The following UGP2 variants were observed in gnomAD, a reference collection of about 807,000 sequenced individuals.
The protein encoded by UGP2 is UDP-glucose pyrophosphorylase 2.
UGP2 carries 40 observed loss-of-function variants against 49.0 expected under a neutral mutation model. The observed-to-expected ratio is 0.82, with a 90% CI of 0.63 to 1.06. The LOEUF (loss-of-function observed/expected upper bound fraction) is 1.06, where lower values mean the gene tolerates loss of function less well. UGP2 is among the 50% of genes least tolerant of loss of function. The pLI is 0.00. For missense variants in UGP2, 460 were observed against 603.5 expected (o/e 0.76, Z 2.49); for synonymous variants, 225 against 213.0 (o/e 1.06, Z -0.49).
At chr2:63,861,887 TTTC>T (rs1669876786) in intron 3 of UGP2, among the ~76,000 whole-genome samples, 1 of 152,070 alleles carries the variant, frequency 6.6e-6, no homozygotes, top group Non-Finnish European at 1.5e-5. Context: ...GCTGAGACTT[TTTC>T]TTAGTCTATC....
At position 63,845,033 on chromosome 2, in the gene UGP2, C is replaced by T. The variant is rs1046627559; in HGVS notation, c.19+2829C>T. 4.6e-5 allele frequency among the ~76,000 whole-genome samples: 7 copies of T among 152,240 alleles called. No individual in the cohort carries two copies. The East Asian group carries it at 7.7e-4, about 17-fold the overall frequency. On this transcript the variant is annotated intron_variant, in intron 1 of 9. Transcript: ENST00000337130. Reference sequence around the variant, plus strand: ...AGAAATACAGTGTTTTGTAAGTGGACGATACTCTAAATGAATTTGTCATGG... The same window carrying T: ...AGAAATACAGTGTTTTGTAAGTGGATGATACTCTAAATGAATTTGTCATGG...
At chr2:63,889,963 G>C in intron 8 of UGP2, 118 bp from the exon 9 acceptor site, 2 of 715,184 alleles carry the variant, frequency 2.8e-6, no homozygotes, top group Non-Finnish European at 4.8e-6. Context: ...TCCCACAGAG[G>C]ACCTGAGCTT....
chr2:63,874,239 T>G (rs1157698631), intron 3 of UGP2, among the ~76,000 whole-genome samples: 2 of 152,210 alleles, frequency 1.3e-5, no homozygotes, highest in Admixed American at 1.3e-4. Flanking sequence ...AGTGCTTTAT[T>G]TTATGAATGA....
At chr2:63,871,749 C>T (rs1009594220) in intron 3 of UGP2, among the ~76,000 whole-genome samples, 3 of 152,198 alleles carry the variant, frequency 2.0e-5, no homozygotes, top group Admixed American at 1.3e-4. Context: ...AGTGGAAGCA[C>T]GAAGCCAACA....
chr2:63,862,921 G>A (rs1158514447), intron 3 of UGP2: 5 of 452,156 alleles, frequency 1.1e-5, no homozygotes, highest in East Asian at 7.0e-5. Flanking sequence ...AGATTGTGAC[G>A]TAAGCAGGTT....
At chr2:63,881,217 G>A (rs1241645935) in intron 3 of UGP2, among the ~76,000 whole-genome samples, 1 of 152,062 alleles carries the variant, frequency 6.6e-6, no homozygotes, top group Non-Finnish European at 1.5e-5. Flanking sequence ...CAAGAATTTT[G>A]TTATCAGGAG....
chr2:63,853,679 G>C (rs1047847746), intron 1 of UGP2, among the ~76,000 whole-genome samples: 1 of 152,136 alleles, frequency 6.6e-6, no homozygotes, highest in Non-Finnish European at 1.5e-5. Flanking sequence ...TGTCAGGGAA[G>C]GGTATTATGT....
At chr2:63,856,145 G>A (rs1669402632) in intron 1 of UGP2, 161 bp from the exon 2 acceptor site, 1 of 782,036 alleles carries the variant, frequency 1.3e-6, no homozygotes, top group Non-Finnish European at 2.0e-6. Context: ...AGTGAAACGA[G>A]TCCTAACTAG....
chr2:63,856,690 T>C lies in UGP2; in HGVS notation c.147+257T>C, dbSNP rs753474837. On this transcript the variant is annotated intron_variant, in intron 2 of 9. Transcript: ENST00000337130. Reference sequence around the variant, plus strand: ...AAATAATCAGAACCAAATTATACTTTGTTCTGTGTTTTGATGTCATTGGGT... The same window carrying C: ...AAATAATCAGAACCAAATTATACTTCGTTCTGTGTTTTGATGTCATTGGGT... 27 of 507,330 alleles carry C rather than the reference T, an allele frequency of 5.3e-5. No individual in the cohort carries two copies. In the Middle Eastern group the frequency reaches 2.1e-3, roughly 39 times the overall value. The allele number at this position is 507,330 out of a possible 1,614,324, so 31.4% of individuals were successfully genotyped here.
intron 1 of UGP2, among the ~76,000 whole-genome samples, chr2:63,850,251 G>A (rs1668959780): frequency 2.0e-5 from 3 of 151,954 alleles, no homozygotes; most frequent in South Asian, 4.1e-4. Flanking sequence ...CTTTTTTAGC[G>A]AGCTGCTCTG....
intron 1 of UGP2, chr2:63,854,892 T>G (rs1669284540): frequency 6.6e-6 from 1 of 152,302 alleles, no homozygotes; most frequent in South Asian, 2.1e-4. Context: ...AGTCTGCCTC[T>G]GAAACTTAGA....
chr2:63,856,241 G>T, intron 1 of UGP2, 65 bp from the exon 2 acceptor site: 2 of 1,570,724 alleles, frequency 1.3e-6, no homozygotes, highest in Non-Finnish European at 1.7e-6. Flanking sequence ...ATCAGTTATA[G>T]CTTACCAGCT....
At chr2:63,851,709 T>A (rs1361560780) in intron 1 of UGP2, among the ~76,000 whole-genome samples, 6 of 152,226 alleles carry the variant, frequency 3.9e-5, no homozygotes, top group African/African-American at 1.2e-4. Flanking sequence ...GTTAGGATGC[T>A]TTTAACTTCA....
intron 3 of UGP2, among the ~76,000 whole-genome samples, chr2:63,878,611 T>C (rs1048360029): frequency 6.6e-6 from 1 of 152,208 alleles, no homozygotes; most frequent in African/African-American, 2.4e-5. Context: ...ATATTTGTTT[T>C]CTTCTACTTA....
At chr2:63,856,641 C>A in intron 2 of UGP2, 1 of 589,116 alleles carries the variant, frequency 1.7e-6, no homozygotes, top group South Asian at 1.8e-5. Flanking sequence ...TTCATTTAAG[C>A]CTAGGAAGTT....
At chr2:63,844,372 A>G (rs561827116) in intron 1 of UGP2, among the ~76,000 whole-genome samples, 1 of 152,186 alleles carries the variant, frequency 6.6e-6, no homozygotes, top group South Asian at 2.1e-4. Flanking sequence ...ATTTCCAATC[A>G]CTGGCACTTA....
chr2:63,890,087 G>C lies in UGP2; in HGVS notation c.1321G>C (p.Asp441His), dbSNP rs759911743. 2.5e-6 allele frequency: 4 copies of C among 1,607,584 alleles called. No individual in the cohort carries two copies. The highest frequency in any genetic ancestry group is 3.4e-6 in the Non-Finnish European group (4 of 1,177,492). ...KLGSSFTKVQ[D>H]YLRRFESIPD... ...GTTTCTCCTTTTCTGTAAGGTTCAA[G>C]ATTATCTAAGAAGATTTGAAAGTAT... The change falls in exon 9 of 10, where the codon GAT (aspartate) becomes CAT (histidine). Residue 441 changes from aspartate (D) to histidine (H), a missense_variant. This residue lies in a region of UGP2 where 317 missense variants were observed against 473.0 expected (regional missense o/e 0.67). Coordinates refer to ENST00000337130, the MANE Select transcript of UGP2 (RefSeq NM_006759.4).
At chr2:63,862,618 TTTA>T (rs1486894073) in intron 3 of UGP2, among the ~76,000 whole-genome samples, 1 of 152,148 alleles carries the variant, frequency 6.6e-6, no homozygotes, top group Non-Finnish European at 1.5e-5. Flanking sequence ...GACTCCCGGT[TTTA>T]TTGTTGGACC....
At chr2:63,877,407 C>T (rs567319014) in intron 3 of UGP2, among the ~76,000 whole-genome samples, 8 of 152,340 alleles carry the variant, frequency 5.3e-5, no homozygotes, top group African/African-American at 1.9e-4. Flanking sequence ...GATGCCATTT[C>T]CTTGAAGTTA....
Sources: gnomAD v4.1 joint callset for allele counts (sites outside exome capture counted in the v4.1 genomes callset) on GRCh38, gnomAD v4.1.1 for gene constraint, gnomAD v4.1.1 regional missense constraint, MANE v1.5 for transcripts, NCBI Gene and HGNC (gene_info 2026-07-23, HGNC 2026-07-21) for gene names.